Variants in HR observed in about 807,000 individuals in gnomAD.
HR encodes the protein HR lysine demethylase and nuclear receptor corepressor.
Under a neutral mutation model 128.6 loss-of-function variants are expected in HR, and 83 were observed. The ratio of observed to expected loss-of-function variants is 0.65; its 90% CI spans 0.54 to 0.77. The LOEUF (loss-of-function observed/expected upper bound fraction) is 0.77, where lower values mean the gene tolerates loss of function less well. HR is among the 30% of genes least tolerant of loss of function. HR has a pLI of 0.00. For synonymous variants in HR, 681 were observed against 658.2 expected, an observed-to-expected ratio of 1.03 and a Z score of -0.53; for missense variants, 1,490 against 1,574.6, an observed-to-expected ratio of 0.95 and a Z score of 0.91.
rs1322533100 is a variant in HR at position 22,127,689 on chromosome 8, C to T, written c.753G>A (p.Arg251=). 6.8e-6 allele frequency: 11 copies of T among 1,609,964 alleles called. No homozygotes were observed. Among genetic ancestry groups the T allele is most frequent in the South Asian group, 1.1e-5 (1 of 91,086 alleles). Residue 251 remains arginine, a synonymous_variant, in exon 3 of 19, where the codon AGG becomes AGA. Transcript: ENST00000381418. ...GCCGGCCAGCTCCCATCTCTCCATC[C>T]CTCTGGTGCAGTGAAGGGCGTTCGG... ...GEAERPSLHQ[R]DGEMGAGRQQ...
Position 22,127,033 on chromosome 8 carries a change from T to G in HR, c.1405+4A>C, listed in dbSNP as rs541442664. ...GGGCCTGCAGCCCCTCCTGGCCCCC[T>G]TACCTTTCTGCTCATCATGCTGTCC... On this transcript the variant is annotated splice_donor_region_variant and intron_variant, in intron 3 of 18. Transcript: ENST00000381418. The G allele has an allele frequency of 1.2e-6, 2 of 1,608,084 alleles. No homozygotes were observed. Among genetic ancestry groups the G allele is most frequent in the East Asian group, 4.5e-5 (2 of 44,758 alleles).
At chr8:22,118,569 G>C (rs920441968) in intron 16 of HR, 19 of 291,780 alleles carry the variant, frequency 6.5e-5, no homozygotes, top group African/African-American at 3.9e-4. Flanking sequence ...TCAGATCCCA[G>C]CCCTGCCACT....
rs760201222 is a variant in HR at position 22,127,248 on chromosome 8, A to C, written c.1194T>G (p.Pro398=). The change falls in exon 3 of 19, where the codon CCT becomes CCG. Residue 398 remains proline, a synonymous_variant. Coordinates refer to ENST00000381418, the MANE Select transcript of HR (RefSeq NM_005144.5). ...GAGCAACCGGCCTCTCCTCGACCTCAGGGCAGCCGCGTGGACATTCAAACT... is the reference window on the plus strand; with the variant it reads ...GAGCAACCGGCCTCTCCTCGACCTCCGGGCAGCCGCGTGGACATTCAAACT... The part of the protein sequence containing the change: ...SEQFECPRGC[P]EVEERPVARL... The C allele has an allele frequency of 4.3e-6, 7 of 1,612,982 alleles. No homozygotes were observed. Among genetic ancestry groups the C allele is most frequent in the Non-Finnish European group, 8.5e-7 (1 of 1,180,004 alleles).
In HR at chr8:22,116,465, C is replaced by T. The variant is rs1362148184; in HGVS notation, c.3379-37G>A. On this transcript the variant is annotated intron_variant, in intron 17 of 18. Transcript: ENST00000381418. This position sits in a 1 kb window ranked among gnomAD's most constrained non-coding sequence, Gnocchi z 4.2. ...GGACATGGACAGTGAGGCTCAAGATCACACATCCTCTCCCTGTCCCCCTGG... is the reference window on the plus strand; with the variant it reads ...GGACATGGACAGTGAGGCTCAAGATTACACATCCTCTCCCTGTCCCCCTGG... The T allele has an allele frequency of 6.8e-6, 11 of 1,606,724 alleles. No homozygotes were observed. The highest frequency in any genetic ancestry group is 9.3e-6 in the Non-Finnish European group (11 of 1,176,576).
At chr8:22,117,642 G>C (rs545413625) in intron 16 of HR, 2 of 152,868 alleles carry the variant, frequency 1.3e-5, no homozygotes, top group East Asian at 3.9e-4. Flanking sequence ...CCACAGCTAC[G>C]GGGACCTCAC....
Position 22,119,197 on chromosome 8 carries a change from T to C in HR, c.3064A>G (p.Thr1022Ala), listed in dbSNP as rs7014851. 0.027 allele frequency: 43,064 copies of C among 1,613,788 alleles called. 2,682 individuals are homozygous for C. Among genetic ancestry groups the C allele is most frequent in the African/African-American group, 0.25 (18,496 of 74,978 alleles). ...DLVSILVHAD[T>A]PLPAWHRAQK... ...GCCCGGTGCCAGGCAGGCAGTGGTGTGTCGGCATGCACCAGGATGCTGACC... is the reference window on the plus strand; with the variant it reads ...GCCCGGTGCCAGGCAGGCAGTGGTGCGTCGGCATGCACCAGGATGCTGACC... The change falls in exon 15 of 19, where the codon ACA becomes GCA. Residue 1022 changes from threonine (T) to alanine (A), a missense_variant. Thr to Ala is a moderately conservative substitution (Grantham distance 58). This residue lies in a region of HR where 423 missense variants were observed against 495.9 expected (regional missense o/e 0.85). Coordinates refer to ENST00000381418, the MANE Select transcript of HR (RefSeq NM_005144.5).
Position 22,125,706 on chromosome 8 carries a change from G to T in HR, c.1432C>A (p.Gln478Lys), listed in dbSNP as rs150905462. 7 of 1,613,974 alleles carry T rather than the reference G, an allele frequency of 4.3e-6. No individual in the cohort carries two copies. In the Admixed American group the frequency reaches 1.2e-4, roughly 27 times the overall value. ...GGTATGTCCTGAAGTCCCGGGTCCT[G>T]GAGACTGGCCTGGCCATCTTGGGGT... ...KGPQDGQASLQDPGLQDIPCL... is the reference protein window; with the variant it reads ...KGPQDGQASLKDPGLQDIPCL... The change falls in exon 4 of 19, where the codon CAG (glutamine) becomes AAG (lysine). Residue 478 changes from glutamine to lysine, a missense_variant. Around this residue, in one of 3 missense-constraint regions of HR, gnomAD observed 1,060 missense variants for 1,060.9 expected, o/e 1.00. Transcript: ENST00000381418.
chr8:22,123,748 C>T lies in HR; in HGVS notation c.1816G>A (p.Gly606Arg), dbSNP rs1448150123. The change falls in exon 6 of 19, where the codon GGA becomes AGA. Residue 606 changes from glycine (G) to arginine (R), a missense_variant. Gly to Arg is a moderately radical substitution (Grantham distance 125, BLOSUM62 -2). Coordinates refer to ENST00000381418, the MANE Select transcript of HR (RefSeq NM_005144.5). ...CATCGCCAGTGGGTGTTGAAGAGTC[C>T]ATGGTGGCAACGGCTGCAGCAGCGT... ...IPRCCSRCHH[G>R]LFNTHWRCPR... 1 of 1,599,586 alleles carries T rather than the reference C, an allele frequency of 6.3e-7. No homozygotes were observed. Among genetic ancestry groups the T allele is most frequent in the South Asian group, 1.1e-5 (1 of 89,180 alleles).
rs1167118776 is a variant in HR, at chr8:22,116,026, T to A, written c.3508-264A>T. Among the ~76,000 whole-genome samples the A allele has an allele frequency of 2.0e-5, 3 of 152,050 alleles. No individual in the cohort carries two copies. On this transcript the variant is annotated intron_variant, in intron 18 of 18. Coordinates refer to ENST00000381418, the MANE Select transcript of HR (RefSeq NM_005144.5). The surrounding 1 kb of genome is among the most constrained non-coding windows in gnomAD (Gnocchi z 4.2). The stretch of plus-strand genomic sequence containing the variant: ...GGTGGGCGCCTGTAGTCCCAGCTAC[T>A]TGGGAGGCTGAGGCAGGAGAATCAC...
Position 22,122,615 on chromosome 8 carries a change from G to C in HR, c.2006-7C>G. On this transcript the variant is annotated splice_region_variant and splice_polypyrimidine_tract_variant and intron_variant, in intron 7 of 18. Transcript: ENST00000381418. ...GTGCTCAGCTCTGCCAAAGCTGGGG[G>C]TGGGGGTGGGCAGGAGAGGGAGGTT... The C allele has an allele frequency of 1.2e-6, 2 of 1,601,362 alleles. No homozygotes were observed. Among genetic ancestry groups the C allele is most frequent in the Non-Finnish European group, 1.7e-6 (2 of 1,171,998 alleles).
chr8:22,119,777 T>C lies in HR; in HGVS notation c.2960A>G (p.Gln987Arg), dbSNP rs1826686861. 1.9e-6 allele frequency: 3 copies of C among 1,612,410 alleles called. No individual in the cohort carries two copies. Among genetic ancestry groups the C allele is most frequent in the Non-Finnish European group, 2.5e-6 (3 of 1,179,306 alleles). Reference protein sequence around the residue: ...PGLALRPLEPQLWAAYGVSPH... With the variant: ...PGLALRPLEPRLWAAYGVSPH... ...ACACTCACCATAGGCTGCCCAGAGC[T>C]GGGGCTCCAGTGGACGCAGGGCAAG... is the stretch of plus-strand genomic sequence containing the variant. The change falls in exon 14 of 19, where the codon CAG (glutamine) becomes CGG (arginine). Residue 987 changes from glutamine to arginine, a missense_variant. Gln to Arg is a conservative substitution (Grantham distance 43). Coordinates refer to ENST00000381418, the MANE Select transcript of HR (RefSeq NM_005144.5).
At chr8:22,119,350 T>G in intron 14 of HR, 67 bp from the exon 15 acceptor site, 3 of 1,604,988 alleles carry the variant, frequency 1.9e-6, no homozygotes, top group Non-Finnish European at 2.5e-6. Flanking sequence ...TGCTCACGCC[T>G]GTAATCCTGG....
chr8:22,129,121 G>A lies in HR; in HGVS notation c.50C>T (p.Thr17Met), dbSNP rs139302227. The change falls in exon 2 of 19, where the codon ACG (threonine) becomes ATG (methionine). Residue 17 changes from threonine (T) to methionine (M), a missense_variant. By Grantham distance (81) the Thr-to-Met change is moderately conservative. This residue lies in a region of HR where 1,060 missense variants were observed against 1,060.9 expected (regional missense o/e 1.00). Coordinates refer to ENST00000381418, the MANE Select transcript of HR (RefSeq NM_005144.5). ...TCTCACGATGCCGTTCTCTGGGGCCGTCTTCTCCCAGGTTGGGGTGCCCTT... is the reference window on the plus strand; with the variant it reads ...TCTCACGATGCCGTTCTCTGGGGCCATCTTCTCCCAGGTTGGGGTGCCCTT... ...FLKGTPTWEK[T>M]APENGIVRQE... 50 of 1,562,742 alleles carry A rather than the reference G, an allele frequency of 3.2e-5. No homozygotes were observed. Among genetic ancestry groups the A allele is most frequent in the African/African-American group, 5.5e-5 (4 of 73,126 alleles).
At position 22,120,447 on chromosome 8, in the gene HR, G is replaced by A. The variant is rs1325281866; in HGVS notation, c.2671C>T (p.Leu891Phe). The change falls in exon 12 of 19, where the codon CTT becomes TTT. Residue 891 changes from leucine (L) to phenylalanine (F), a missense_variant. Coordinates refer to ENST00000381418, the MANE Select transcript of HR (RefSeq NM_005144.5). ...LQGNLWGTEA[L>F]GALGGQVQAL... ...TGCACCTGGCCTCCAAGTGCCCCAA[G>A]AGCTTCTGTCCCCCACAGGTTGCCC... The A allele has an allele frequency of 6.2e-7, 1 of 1,614,072 alleles. No homozygotes were observed. Among genetic ancestry groups the A allele is most frequent in the South Asian group, 1.1e-5 (1 of 91,088 alleles).
chr8:22,117,256 G>A, intron 16 of HR: 1 of 543,952 alleles, frequency 1.8e-6, no homozygotes, highest in South Asian at 2.7e-5. Context: ...AGAAGGAAGG[G>A]ATTCAAGGCC....
chr8:22,127,002 C>G, intron 3 of HR, 35 bp downstream of exon 3: 1 of 1,593,230 alleles, frequency 6.3e-7, no homozygotes, highest in African/African-American at 1.3e-5. Context: ...TGCCCCCTCC[C>G]ACGCAGGGCC....
intron 3 of HR, among the ~76,000 whole-genome samples, chr8:22,126,526 C>T (rs562089410): frequency 6.6e-6 from 1 of 152,362 alleles, no homozygotes; most frequent in Admixed American, 6.5e-5. Flanking sequence ...AAGCAATCCC[C>T]AAACAGGGAT....
In HR at chr8:22,127,222, C is replaced by T. The variant is rs747159024; in HGVS notation, c.1220G>A (p.Arg407Gln). The T allele has an allele frequency of 2.2e-5, 36 of 1,612,916 alleles. No homozygotes were observed. The East Asian group carries it at 4.7e-4, about 21-fold the overall frequency. Residue 407 changes from arginine to glutamine, a missense_variant, in exon 3 of 19, where the codon CGG becomes CAG. Around this residue, in one of 3 missense-constraint regions of HR, gnomAD observed 1,060 missense variants for 1,060.9 expected, o/e 1.00. Transcript: ENST00000381418. ...GCCTGCCCTTTTGAGGGCCCGGAGC[C>T]GAGCAACCGGCCTCTCCTCGACCTC... ...CPEVEERPVARLRALKRAGSP... is the reference protein window; with the variant it reads ...CPEVEERPVAQLRALKRAGSP...
Position 22,117,329 on chromosome 8 carries a change from A to G in HR, c.3214-290T>C, listed in dbSNP as rs1420781844. On this transcript the variant is annotated intron_variant, in intron 16 of 18. Transcript: ENST00000381418. The stretch of plus-strand genomic sequence containing the variant: ...CTGGAGGCCTTTAACAGCCTCTGTG[A>G]CCTCGGCCCCTCTCCTCCCTCTCTC... 17 of 414,004 alleles carry G rather than the reference A, an allele frequency of 4.1e-5. No homozygotes were observed. In the South Asian group the frequency reaches 8.2e-4, roughly 20 times the overall value. 25.6% of individuals were successfully genotyped at this position (414,004 alleles called of 1,614,324 possible).
Sources: allele counts gnomAD v4.1 joint callset (sites outside exome capture counted in the v4.1 genomes callset), GRCh38; gene constraint gnomAD v4.1.1; regional missense constraint gnomAD v4.1.1; non-coding constraint Gnocchi (gnomAD v3.1); transcripts MANE v1.5; gene names NCBI Gene and HGNC (gene_info 2026-07-23, HGNC 2026-07-21).